The following BTBD9 variants were observed in gnomAD, a reference collection of about 807,000 sequenced individuals.
BTBD9 encodes the protein BTB/POZ domain-containing protein 9.
BTBD9 carries 49 observed loss-of-function variants against 64.3 expected under a neutral mutation model. The observed-to-expected ratio is 0.76, with a 90% CI of 0.61 to 0.97. The LOEUF (loss-of-function observed/expected upper bound fraction) is 0.97. Ranked by LOEUF, BTBD9 falls within the 50% of genes least tolerant of loss-of-function variation. The pLI is 0.00. For synonymous variants in BTBD9, 260 were observed against 274.7 expected, an observed-to-expected ratio of 0.95 and a Z score of 0.53; for missense variants, 598 against 762.1, an observed-to-expected ratio of 0.78 and a Z score of 2.53.
intron 7 of BTBD9, among the ~76,000 whole-genome samples, chr6:38,316,122 C>T (rs912520488): frequency 3.3e-5 from 5 of 152,116 alleles, no homozygotes; most frequent in Non-Finnish European, 7.4e-5. Context: ...AAAAGTATAG[C>T]TACTCCTGTT....
At chr6:38,421,558 G>A (rs1767903572) in intron 6 of BTBD9, among the ~76,000 whole-genome samples, 1 of 152,190 alleles carries the variant, frequency 6.6e-6, no homozygotes, top group Non-Finnish European at 1.5e-5. Context: ...CCATCTCAAA[G>A]ACAGGCTTCC....
At chr6:38,290,758 T>G (rs909140659) in intron 7 of BTBD9, among the ~76,000 whole-genome samples, 1 of 152,156 alleles carries the variant, frequency 6.6e-6, no homozygotes. Context: ...CATGGTCTTA[T>G]CTAACTTCAG....
intron 6 of BTBD9, among the ~76,000 whole-genome samples, chr6:38,374,927 C>A (rs1013093165): frequency 6.6e-6 from 1 of 152,088 alleles, no homozygotes; most frequent in African/African-American, 2.4e-5. Flanking sequence ...AGTCACTAGG[C>A]GTAGCTGAGA....
intron 6 of BTBD9, among the ~76,000 whole-genome samples, chr6:38,394,747 G>A (rs757560900): frequency 6.6e-6 from 1 of 152,018 alleles, no homozygotes; most frequent in African/African-American, 2.4e-5. Context: ...ATGCTGTAGG[G>A]ACACTCAAGC....
In BTBD9 at chr6:38,556,294, T is replaced by C. The variant is rs115171707; in HGVS notation, c.1154+21306A>G. ...AAATGATAACTAGTATGCATCCCAC[T>C]ATTTGATCATGAAAATGATTTCAAT... is the stretch of plus-strand genomic sequence containing the variant. On this transcript the variant is annotated intron_variant, in intron 6 of 10. Transcript: ENST00000481247. Among the ~76,000 whole-genome samples the C allele has an allele frequency of 4.0e-3, 613 of 152,298 alleles. 3 individuals carry two copies. Among genetic ancestry groups the C allele is most frequent in the Non-Finnish European group, 7.3e-3 (498 of 68,012 alleles).
intron 6 of BTBD9, among the ~76,000 whole-genome samples, chr6:38,559,515 CAG>C (rs1404247514): frequency 6.6e-6 from 1 of 152,138 alleles, no homozygotes; most frequent in Non-Finnish European, 1.5e-5. Context: ...ATGCAATCTA[CAG>C]ACTCAATGCT....
intron 6 of BTBD9, among the ~76,000 whole-genome samples, chr6:38,376,007 T>C (rs928607735): frequency 5.3e-5 from 8 of 151,926 alleles, no homozygotes; most frequent in African/African-American, 1.9e-4. Context: ...TAAAACTAAG[T>C]CTGCTGTCTT....
At chr6:38,542,102 A>G (rs915126448) in intron 6 of BTBD9, among the ~76,000 whole-genome samples, 1 of 152,060 alleles carries the variant, frequency 6.6e-6, no homozygotes, top group Non-Finnish European at 1.5e-5. Flanking sequence ...TCCCTAGTTG[A>G]TTTCATCTAC....
intron 8 of BTBD9, among the ~76,000 whole-genome samples, chr6:38,268,216 A>G (rs919426789): frequency 1.3e-5 from 2 of 152,210 alleles, no homozygotes; most frequent in African/African-American, 2.4e-5. Context: ...TCTGACTGCT[A>G]TTTCATCCAC....
intron 6 of BTBD9, among the ~76,000 whole-genome samples, chr6:38,524,066 C>T (rs556812436): frequency 6.6e-6 from 1 of 152,236 alleles, no homozygotes; most frequent in Non-Finnish European, 1.5e-5. Context: ...AGAGAAATTT[C>T]TTAGACAGCA....
chr6:38,363,633 T>C (rs1765065384), intron 6 of BTBD9, among the ~76,000 whole-genome samples: 1 of 152,118 alleles, frequency 6.6e-6, no homozygotes, highest in Non-Finnish European at 1.5e-5. Context: ...TCCAATTCTA[T>C]TGGCAGGATT....
intron 6 of BTBD9, among the ~76,000 whole-genome samples, chr6:38,534,758 G>GCCA: frequency 6.6e-6 from 1 of 152,022 alleles, no homozygotes; most frequent in Non-Finnish European, 1.5e-5. Flanking sequence ...TCAACAGAAT[G>GCCA]AGGACAAAAA....
intron 9 of BTBD9, among the ~76,000 whole-genome samples, chr6:38,239,438 C>CAAA (rs750690746): frequency 5.1e-4 from 30 of 59,016 alleles, no homozygotes; most frequent in East Asian, 7.7e-4. Flanking sequence ...GACTCTGTCT[C>CAAA]AAAAAAAAAA....
intron 6 of BTBD9, among the ~76,000 whole-genome samples, chr6:38,386,812 T>G (rs1766193383): frequency 6.6e-6 from 1 of 151,936 alleles, no homozygotes; most frequent in Non-Finnish European, 1.5e-5. Flanking sequence ...CAGCCAATTT[T>G]TATACACTTT....
intron 6 of BTBD9, among the ~76,000 whole-genome samples, chr6:38,561,765 G>T (rs1353390060): frequency 1.3e-5 from 2 of 152,098 alleles, no homozygotes; most frequent in African/African-American, 4.8e-5. Context: ...GATGAGAACA[G>T]TAGACACTGG....
chr6:38,639,134 G>A (rs1778632412), intron 1 of BTBD9, among the ~76,000 whole-genome samples: 1 of 152,194 alleles, frequency 6.6e-6, no homozygotes, highest in Admixed American at 6.5e-5. Flanking sequence ...AAGTCTATGA[G>A]GAAGTAAGAA....
intron 6 of BTBD9, among the ~76,000 whole-genome samples, chr6:38,558,296 G>A (rs1295481227): frequency 6.6e-6 from 1 of 151,752 alleles, no homozygotes; most frequent in Non-Finnish European, 1.5e-5. Context: ...GAGCCTTTTG[G>A]TGGAGGCTTT....
intron 6 of BTBD9, among the ~76,000 whole-genome samples, chr6:38,571,296 T>C (rs1266266702): frequency 6.6e-6 from 1 of 152,198 alleles, no homozygotes; most frequent in Non-Finnish European, 1.5e-5. Context: ...TGCCCAGTTA[T>C]GGGCAGAGGT....
At chr6:38,193,138 G>A (rs572570180) in intron 9 of BTBD9, among the ~76,000 whole-genome samples, 2 of 152,294 alleles carry the variant, frequency 1.3e-5, no homozygotes, top group South Asian at 4.1e-4. Context: ...CTATAAAATG[G>A]GGCCATGATG....
Sources: gnomAD v4.1 joint callset for allele counts (sites outside exome capture counted in the v4.1 genomes callset) on GRCh38, gnomAD v4.1.1 for gene constraint, MANE v1.5 for transcripts, NCBI Gene and HGNC (gene_info 2026-07-23, HGNC 2026-07-21) for gene names.